The following KLHL1 variants were observed in gnomAD, a reference collection of about 807,000 sequenced individuals.
KLHL1 encodes kelch like family member 1, also known as kelch-like protein 1.
A neutral mutation model predicts 77.7 loss-of-function variants in KLHL1; 47 were observed. The observed-to-expected ratio is 0.60, with a 90% CI of 0.48 to 0.77. The LOEUF (loss-of-function observed/expected upper bound fraction) is 0.77, where lower values mean the gene tolerates loss of function less well. KLHL1 is among the 30% of genes least tolerant of loss of function. KLHL1 has a pLI of 0.00. For missense variants in KLHL1, 925 were observed against 910.8 expected, an observed-to-expected ratio of 1.02 and a Z score of -0.20; for synonymous variants, 360 against 325.2, an observed-to-expected ratio of 1.11 and a Z score of -1.15.
intron 1 of KLHL1, among the ~76,000 whole-genome samples, chr13:70,064,605 T>C (rs1245233699): frequency 1.3e-5 from 2 of 152,320 alleles, no homozygotes; most frequent in Non-Finnish European, 2.9e-5. Context: ...TTCACTTAAC[T>C]ATAAACTTCA....
intron 4 of KLHL1, among the ~76,000 whole-genome samples, chr13:69,933,919 CTT>C (rs113597752): frequency 0.024 from 3,626 of 152,042 alleles, 58 homozygotes; most frequent in Middle Eastern, 0.051. Context: ...AGGAATTCGA[CTT>C]AATATTATGG....
At chr13:70,096,477 C>A (rs1334708203) in intron 1 of KLHL1, among the ~76,000 whole-genome samples, 1 of 151,948 alleles carries the variant, frequency 6.6e-6, no homozygotes, top group Non-Finnish European at 1.5e-5. Context: ...TACCTTTTGG[C>A]CACTTGTATG....
intron 9 of KLHL1, among the ~76,000 whole-genome samples, chr13:69,708,654 A>G (rs955384662): frequency 3.9e-5 from 6 of 152,032 alleles, no homozygotes; most frequent in African/African-American, 1.2e-4. Flanking sequence ...ATAACCATAT[A>G]CTACATACAA....
chr13:70,019,373 T>C (rs1233543796), intron 1 of KLHL1, among the ~76,000 whole-genome samples: 2 of 151,910 alleles, frequency 1.3e-5, no homozygotes, highest in African/African-American at 4.8e-5. Flanking sequence ...TAAAAGTTAA[T>C]GAAGGTCCAC....
intron 1 of KLHL1, among the ~76,000 whole-genome samples, chr13:70,069,925 T>C (rs1015661978): frequency 4.6e-5 from 7 of 151,866 alleles, no homozygotes; most frequent in African/African-American, 1.7e-4. Context: ...TGCCAGCATT[T>C]TGGGAGGCCG....
At chr13:69,821,177 A>C (rs1330927759) in intron 6 of KLHL1, among the ~76,000 whole-genome samples, 1 of 152,274 alleles carries the variant, frequency 6.6e-6, no homozygotes, top group Non-Finnish European at 1.5e-5. Context: ...TACAAAACAA[A>C]TGGTAGGCTA....
intron 1 of KLHL1, among the ~76,000 whole-genome samples, chr13:69,986,577 G>A (rs1469406165): frequency 1.3e-5 from 2 of 151,990 alleles, no homozygotes; most frequent in South Asian, 2.1e-4. Context: ...AAAACTATGC[G>A]AATTACATTC....
At chr13:69,870,718 C>G (rs1205624881) in intron 5 of KLHL1, among the ~76,000 whole-genome samples, 1 of 151,756 alleles carries the variant, frequency 6.6e-6, no homozygotes, top group Non-Finnish European at 1.5e-5. Flanking sequence ...GACAAATTGG[C>G]CCAAAGTAAG....
intron 4 of KLHL1, among the ~76,000 whole-genome samples, chr13:69,921,291 T>A (rs1001863026): frequency 1.3e-5 from 2 of 152,154 alleles, no homozygotes; most frequent in African/African-American, 4.8e-5. Flanking sequence ...TTGTAGAAAA[T>A]CTATTAATGC....
chr13:69,928,772 T>C (rs553347852), intron 4 of KLHL1, among the ~76,000 whole-genome samples: 3 of 152,148 alleles, frequency 2.0e-5, no homozygotes, highest in Admixed American at 6.5e-5. Context: ...AGGAGGTAAA[T>C]GGAGAGCGAA....
chr13:70,040,126 T>C (rs902351047), intron 1 of KLHL1, among the ~76,000 whole-genome samples: 4 of 152,154 alleles, frequency 2.6e-5, no homozygotes, highest in Admixed American at 2.6e-4. Flanking sequence ...GCATTGGTAA[T>C]CACAGTAGAT....
rs868045088 is a variant in KLHL1 at position 70,044,709 on chromosome 13, T to C, written c.497+62494A>G. Among the ~76,000 whole-genome samples, 3 of 152,304 alleles carry C rather than the reference T, an allele frequency of 2.0e-5. No individual in the cohort carries two copies. In the Middle Eastern group the frequency reaches 0.01, roughly 525 times the overall value. ...TTAAATGAAATTGTTGGTATTATTTTGACTTACTACAAATTCTCACTTAGT... is the reference window on the plus strand; with the variant it reads ...TTAAATGAAATTGTTGGTATTATTTCGACTTACTACAAATTCTCACTTAGT... On this transcript the variant is annotated intron_variant, in intron 1 of 10. Coordinates refer to ENST00000377844, the MANE Select transcript of KLHL1 (RefSeq NM_020866.3).
chr13:69,984,040 A>G (rs540138751), intron 1 of KLHL1, among the ~76,000 whole-genome samples: 2 of 152,264 alleles, frequency 1.3e-5, no homozygotes, highest in East Asian at 3.9e-4. Flanking sequence ...CAGACCTGAA[A>G]CCATAAAATT....
At chr13:69,842,387 A>T (rs1328867287) in intron 5 of KLHL1, among the ~76,000 whole-genome samples, 1 of 151,920 alleles carries the variant, frequency 6.6e-6, no homozygotes, top group Non-Finnish European at 1.5e-5. Flanking sequence ...GAAGGACATG[A>T]CTAGGTATTT....
chr13:69,858,987 C>A (rs34484817), intron 5 of KLHL1, among the ~76,000 whole-genome samples: 1 of 151,554 alleles, frequency 6.6e-6, no homozygotes, highest in African/African-American at 2.4e-5. Context: ...TATTCATATA[C>A]GTGTCCATCC....
At chr13:69,709,368 A>G (rs1875773285) in intron 9 of KLHL1, among the ~76,000 whole-genome samples, 1 of 152,116 alleles carries the variant, frequency 6.6e-6, no homozygotes, top group South Asian at 2.1e-4. Context: ...AAAATAGTTC[A>G]ATCCAGAATG....
At chr13:70,081,951 G>T (rs1371861660) in intron 1 of KLHL1, among the ~76,000 whole-genome samples, 1 of 152,144 alleles carries the variant, frequency 6.6e-6, no homozygotes, top group Non-Finnish European at 1.5e-5. Context: ...CCCAATGTGG[G>T]AGGAGGAGGC....
intron 8 of KLHL1, among the ~76,000 whole-genome samples, chr13:69,737,871 T>C (rs1873827650): frequency 6.6e-6 from 1 of 152,148 alleles, no homozygotes; most frequent in Non-Finnish European, 1.5e-5. Flanking sequence ...ACAGCACACC[T>C]GCCCCACCAA....
intron 1 of KLHL1, among the ~76,000 whole-genome samples, chr13:70,069,083 C>A (rs181836640): frequency 7.2e-5 from 11 of 152,290 alleles, no homozygotes; most frequent in Admixed American, 7.2e-4. Flanking sequence ...TTATCAAAAT[C>A]TAATTGACCT....
Sources: gnomAD v4.1 joint callset for allele counts (sites outside exome capture counted in the v4.1 genomes callset) on GRCh38, gnomAD v4.1.1 for gene constraint, MANE v1.5 for transcripts, NCBI Gene and HGNC (gene_info 2026-07-23, HGNC 2026-07-21) for gene names.